LINGO2: variants seen among roughly 807,000 people sequenced by gnomAD.
LINGO2 encodes leucine-rich repeat and immunoglobulin-like domain-containing nogo receptor-interacting protein 2.
LINGO2 carries 14 observed loss-of-function variants against 30.6 expected under a neutral mutation model. That is an observed-to-expected ratio of 0.46 (90% CI 0.30 to 0.72). The LOEUF (loss-of-function observed/expected upper bound fraction) is 0.72, where lower values mean the gene tolerates loss of function less well. Among genes scored for constraint, LINGO2 ranks in the 30% least tolerant of loss-of-function variants. The pLI, the probability that LINGO2 is intolerant of heterozygous loss-of-function variation, is 0.07. For synonymous variants in LINGO2, 317 were observed against 288.5 expected (o/e 1.10, Z -1.00); for missense variants, 729 against 751.7 (o/e 0.97, Z 0.35).
At chr9:28,872,575 T>G in the LINGO2 span, among the ~76,000 whole-genome samples, 1 of 152,136 alleles carries the variant, frequency 6.6e-6, no homozygotes, top group African/African-American at 2.4e-5. Flanking sequence ...GCAAAAAGAT[T>G]CCATCAAGTT....
the LINGO2 span, among the ~76,000 whole-genome samples, chr9:29,137,918 G>A: frequency 2.0e-5 from 3 of 151,864 alleles, no homozygotes; most frequent in Admixed American, 6.6e-5. Flanking sequence ...AGGACTAATA[G>A]GACTGTTATG....
intron 4 of LINGO2, among the ~76,000 whole-genome samples, chr9:28,021,019 T>G (rs1823093024): frequency 1.3e-5 from 2 of 152,122 alleles, no homozygotes. Context: ...TTTGTTTTCT[T>G]TCTTTCCATT....
In LINGO2 at chr9:28,183,711, TGTAA is replaced by T. The variant is rs1302669718; in HGVS notation, c.-87+111493_-87+111496del. Among the ~76,000 whole-genome samples the T allele has an allele frequency of 2.6e-5, 4 of 152,240 alleles. No homozygotes were observed. The East Asian group carries it at 7.7e-4, about 29-fold the overall frequency. On this transcript the variant is annotated intron_variant, in intron 4 of 5. Coordinates refer to ENST00000379992, the Ensembl canonical transcript of LINGO2. ...TATTTTTAGATGTAGCCTGTATACA[TGTAA>T]GTGTCTCTGAAAGGAATTATACAGG... is the stretch of plus-strand genomic sequence containing the variant.
chr9:28,138,832 C>A (rs966006958), intron 4 of LINGO2, among the ~76,000 whole-genome samples: 3 of 152,140 alleles, frequency 2.0e-5, no homozygotes, highest in African/African-American at 7.2e-5. Context: ...TGAAGTTCCA[C>A]AACGCAAGAC....
chr9:28,683,868 T>C, the LINGO2 span, among the ~76,000 whole-genome samples: 3 of 152,144 alleles, frequency 2.0e-5, no homozygotes, highest in South Asian at 4.1e-4. Flanking sequence ...GATATTAATG[T>C]ATTTCCTTTT....
chr9:28,690,244 T>A, the LINGO2 span, among the ~76,000 whole-genome samples: 8 of 151,764 alleles, frequency 5.3e-5, no homozygotes, highest in Admixed American at 5.3e-4. Flanking sequence ...AAGTTGGAAA[T>A]GAAACAAAAA....
At chr9:29,048,862 C>T in the LINGO2 span, among the ~76,000 whole-genome samples, 26 of 152,264 alleles carry the variant, frequency 1.7e-4, no homozygotes, top group African/African-American at 6.3e-4. Flanking sequence ...TACAAAACTA[C>T]TACAAGAAAA....
intron 2 of LINGO2, among the ~76,000 whole-genome samples, chr9:28,474,447 CAT>C (rs1825648988): frequency 6.6e-6 from 1 of 151,982 alleles, no homozygotes; most frequent in Non-Finnish European, 1.5e-5. Flanking sequence ...AAACATAACA[CAT>C]ATTGAATTTT....
intron 4 of LINGO2, among the ~76,000 whole-genome samples, chr9:28,243,915 C>T (rs1252564267): frequency 6.6e-6 from 1 of 152,030 alleles, no homozygotes; most frequent in Admixed American, 6.6e-5. Context: ...TAGACAAATC[C>T]ATGAGACAGA....
chr9:28,778,512 G>A, the LINGO2 span, among the ~76,000 whole-genome samples: 1 of 151,998 alleles, frequency 6.6e-6, no homozygotes, highest in Non-Finnish European at 1.5e-5. Context: ...TCTCTCAAAA[G>A]TACTATTAAG....
the LINGO2 span, among the ~76,000 whole-genome samples, chr9:28,867,624 G>A: frequency 6.6e-6 from 1 of 152,032 alleles, no homozygotes; most frequent in African/African-American, 2.4e-5. Context: ...CACCCATAAA[G>A]CATGTGTATT....
At chr9:29,075,856 C>T in the LINGO2 span, among the ~76,000 whole-genome samples, 2 of 152,058 alleles carry the variant, frequency 1.3e-5, no homozygotes, top group African/African-American at 4.8e-5. Flanking sequence ...GGTAACTCTC[C>T]TCCATGCTAC....
At chr9:28,570,003 T>A (rs116644347) in intron 1 of LINGO2, among the ~76,000 whole-genome samples, 2,586 of 151,742 alleles carry the variant, frequency 0.017, 28 homozygotes, top group African/African-American at 0.034. Flanking sequence ...TTTCAAACAA[T>A]AAAGAAAATA....
chr9:28,033,938 C>T (rs1009867321), intron 4 of LINGO2, among the ~76,000 whole-genome samples: 1 of 152,168 alleles, frequency 6.6e-6, no homozygotes, highest in Non-Finnish European at 1.5e-5. Flanking sequence ...GCGTTTTATT[C>T]TTGTAAACAC....
the LINGO2 span, among the ~76,000 whole-genome samples, chr9:28,756,415 C>G: frequency 6.6e-6 from 1 of 151,914 alleles, no homozygotes; most frequent in Non-Finnish European, 1.5e-5. Context: ...CTTGCCTTGT[C>G]TCAGCTGAGA....
chr9:28,373,181 A>G (rs1820971759), intron 2 of LINGO2, among the ~76,000 whole-genome samples: 1 of 152,214 alleles, frequency 6.6e-6, no homozygotes, highest in South Asian at 2.1e-4. Flanking sequence ...ATTAAATTGT[A>G]TGAAAGAAAA....
the LINGO2 span, among the ~76,000 whole-genome samples, chr9:29,084,727 T>C: frequency 3.9e-5 from 6 of 151,982 alleles, no homozygotes; most frequent in African/African-American, 1.4e-4. Flanking sequence ...TTAAGAGCTG[T>C]TCTTACTCTG....
chr9:28,200,780 T>G (rs983297289), intron 4 of LINGO2, among the ~76,000 whole-genome samples: 7 of 152,168 alleles, frequency 4.6e-5, no homozygotes, highest in Admixed American at 2.6e-4. Flanking sequence ...CAGAATAATA[T>G]CAGCATTTTT....
intron 1 of LINGO2, among the ~76,000 whole-genome samples, chr9:28,521,191 C>G (rs1054962041): frequency 6.6e-6 from 1 of 151,882 alleles, no homozygotes; most frequent in Non-Finnish European, 1.5e-5. Context: ...AATTTTAAAC[C>G]GTGTGGGATA....
Sources: allele counts gnomAD v4.1 joint callset (sites outside exome capture counted in the v4.1 genomes callset), GRCh38; gene constraint gnomAD v4.1.1; transcripts MANE v1.5; gene names NCBI Gene and HGNC (gene_info 2026-07-23, HGNC 2026-07-21).